The following TRAPPC9 variants were observed in gnomAD, a reference collection of about 807,000 sequenced individuals.
TRAPPC9 encodes trafficking protein particle complex subunit 9.
A neutral mutation model predicts 124.0 loss-of-function variants in TRAPPC9; 83 were observed. The ratio of observed to expected loss-of-function variants is 0.67; its 90% confidence interval spans 0.56 to 0.80. The LOEUF is 0.80. TRAPPC9 is among the 30% of genes least tolerant of loss of function. The pLI is 0.00. For missense variants in TRAPPC9, 1,302 were observed against 1,508.3 expected (o/e 0.86, Z 2.27); for synonymous variants, 638 against 617.5 (o/e 1.03, Z -0.49).
At chr8:140,085,025 G>C (rs546074373) in intron 17 of TRAPPC9, among the ~76,000 whole-genome samples, 1 of 152,332 alleles carries the variant, frequency 6.6e-6, no homozygotes, top group East Asian at 1.9e-4. Context: ...CTTTACATCT[G>C]TGTGATCTAT....
In TRAPPC9 at chr8:140,077,666, G is replaced by GA. The variant is rs1459318920; in HGVS notation, c.2557-53588dup. On this transcript the variant is annotated intron_variant, in intron 17 of 22. Transcript: ENST00000438773. Reference sequence around the variant, plus strand: ...GGACAAGGCAAGGACACAGAACAGGGAGAGGACCCTTCCCACTGTGGACAT... The same window carrying GA: ...GGACAAGGCAAGGACACAGAACAGGGAAGAGGACCCTTCCCACTGTGGACAT... Among the ~76,000 whole-genome samples, 30 of 152,304 alleles carry GA rather than the reference G, an allele frequency of 2.0e-4. No homozygotes were observed. The South Asian group carries it at 2.9e-3, about 15-fold the overall frequency.
chr8:140,424,825 T>G (rs1170494221), intron 5 of TRAPPC9, among the ~76,000 whole-genome samples: 1 of 152,148 alleles, frequency 6.6e-6, no homozygotes, highest in Admixed American at 6.6e-5. Context: ...AAACTCTTCT[T>G]CCGGTTTTGG....
intron 21 of TRAPPC9, among the ~76,000 whole-genome samples, chr8:139,877,126 T>A (rs1351281020): frequency 2.6e-5 from 4 of 152,178 alleles, no homozygotes; most frequent in African/African-American, 9.6e-5. Context: ...TAAAACCTAA[T>A]CTGTATTCAC....
chr8:140,357,867 C>T (rs1434579860), intron 9 of TRAPPC9, among the ~76,000 whole-genome samples: 1 of 152,138 alleles, frequency 6.6e-6, no homozygotes, highest in African/African-American at 2.4e-5. Context: ...CAAATGCAGC[C>T]CCAAAAGCAA....
chr8:140,419,335 A>T (rs2070083634), intron 5 of TRAPPC9, among the ~76,000 whole-genome samples: 1 of 145,838 alleles, frequency 6.9e-6, no homozygotes, highest in Non-Finnish European at 1.5e-5. Flanking sequence ...AGGCTGAGGC[A>T]GGAGAATGGC....
intron 17 of TRAPPC9, among the ~76,000 whole-genome samples, chr8:140,185,865 C>T (rs2131044795): frequency 6.6e-6 from 1 of 152,312 alleles, no homozygotes; most frequent in Non-Finnish European, 1.5e-5. Flanking sequence ...CAGAGAGGAA[C>T]TACAGGCTCA....
intron 17 of TRAPPC9, among the ~76,000 whole-genome samples, chr8:140,109,501 T>C (rs2060724687): frequency 6.6e-6 from 1 of 152,088 alleles, no homozygotes; most frequent in South Asian, 2.1e-4. Context: ...CATATCTGGG[T>C]CTAAATTCCA....
intron 7 of TRAPPC9, among the ~76,000 whole-genome samples, chr8:140,377,946 C>T (rs2068492011): frequency 6.6e-6 from 1 of 151,030 alleles, no homozygotes; most frequent in Non-Finnish European, 1.5e-5. Flanking sequence ...AGTGACAGAG[C>T]AAGACTGTCT....
chr8:139,993,869 A>G (rs1238160829), intron 18 of TRAPPC9, among the ~76,000 whole-genome samples: 2 of 152,230 alleles, frequency 1.3e-5, no homozygotes, highest in Non-Finnish European at 2.9e-5. Context: ...AAGAGTAGTC[A>G]TTCATGCTAA....
chr8:139,831,356 G>T (rs374382794), intron 21 of TRAPPC9, among the ~76,000 whole-genome samples: 1 of 152,142 alleles, frequency 6.6e-6, no homozygotes, highest in African/African-American at 2.4e-5. Flanking sequence ...CCAGCCATCA[G>T]TGAGGTTTCT....
At chr8:140,148,976 T>C (rs1017935512) in intron 17 of TRAPPC9, among the ~76,000 whole-genome samples, 3 of 152,218 alleles carry the variant, frequency 2.0e-5, no homozygotes, top group African/African-American at 7.2e-5. Flanking sequence ...AAGAAGCTAA[T>C]GCATTTGGGG....
rs376265249 is a variant in TRAPPC9, at chr8:140,014,859, G to A, written c.2699+9078C>T. On this transcript the variant is annotated intron_variant, in intron 18 of 22. Coordinates refer to ENST00000438773, the MANE Select transcript of TRAPPC9 (RefSeq NM_001160372.4). ...TCTCGGGAGTGTGCATGGGATGCCC[G>A]ACGCAACACCCAGGGCATGCCCTGG... 1.1e-3 allele frequency among the ~76,000 whole-genome samples: 164 copies of A among 152,310 alleles called. 1 individual carries two copies. Among genetic ancestry groups the A allele is most frequent in the African/African-American group, 3.3e-3 (139 of 41,570 alleles).
intron 1 of TRAPPC9, among the ~76,000 whole-genome samples, chr8:140,454,656 A>C (rs1415908819): frequency 6.7e-6 from 1 of 148,820 alleles, no homozygotes; most frequent in Non-Finnish European, 1.5e-5. Flanking sequence ...AAAAAAAAAA[A>C]AAAACACAAC....
At chr8:140,011,365 T>A (rs1839105557) in intron 18 of TRAPPC9, among the ~76,000 whole-genome samples, 2 of 151,194 alleles carry the variant, frequency 1.3e-5, no homozygotes, top group African/African-American at 2.4e-5. Context: ...ATAAAAATAA[T>A]AGTAACAATA....
chr8:140,094,264 T>C (rs542501375), intron 17 of TRAPPC9, among the ~76,000 whole-genome samples: 26 of 152,318 alleles, frequency 1.7e-4, no homozygotes, highest in Admixed American at 1.6e-3. Context: ...ACCCACAGTA[T>C]GCCTCATCCC....
chr8:139,975,166 A>T (rs1021793529), intron 19 of TRAPPC9, among the ~76,000 whole-genome samples: 6 of 152,128 alleles, frequency 3.9e-5, no homozygotes, highest in Non-Finnish European at 7.4e-5. Flanking sequence ...ACTGCCCTAG[A>T]CGAGACTTTC....
chr8:139,967,269 G>A (rs1835765136), intron 19 of TRAPPC9, among the ~76,000 whole-genome samples: 1 of 152,308 alleles, frequency 6.6e-6, no homozygotes, highest in African/African-American at 2.4e-5. Flanking sequence ...TCTCAGAGAG[G>A]ACTTGGGTCA....
At chr8:140,308,880 C>CA (rs148819407) in intron 10 of TRAPPC9, among the ~76,000 whole-genome samples, 1,844 of 130,682 alleles carry the variant, frequency 0.014, 39 homozygotes, top group African/African-American at 0.048. Flanking sequence ...GATTACAACT[C>CA]AAAAAAAAAA....
At chr8:140,263,245 G>C (rs949199192) in intron 15 of TRAPPC9, among the ~76,000 whole-genome samples, 1 of 152,076 alleles carries the variant, frequency 6.6e-6, no homozygotes, top group Non-Finnish European at 1.5e-5. Flanking sequence ...TGCTGCCCCC[G>C]CCCTGCCCAC....
Sources: gnomAD v4.1 joint callset for allele counts (sites outside exome capture counted in the v4.1 genomes callset) on GRCh38, gnomAD v4.1.1 for gene constraint, MANE v1.5 for transcripts, NCBI Gene and HGNC (gene_info 2026-07-23, HGNC 2026-07-21) for gene names.